Variants in ELP4 observed in about 807,000 individuals in gnomAD.
ELP4 encodes the protein elongator complex protein 4.
Under a neutral mutation model 48.9 loss-of-function variants are expected in ELP4, and 51 were observed. The observed-to-expected ratio is 1.04, with a 90% CI of 0.83 to 1.32. ELP4 has a LOEUF of 1.32. Ranked by LOEUF, ELP4 falls within the 40% of genes most tolerant of loss-of-function variation. ELP4 has a pLI of 0.00. For missense variants in ELP4, 519 were observed against 514.6 expected (o/e 1.01, Z -0.08); for synonymous variants, 210 against 189.2 (o/e 1.11, Z -0.90).
chr11:31,788,777 C>T lies in ELP4; in HGVS notation c.*5253C>T, dbSNP rs1038509122. The stretch of plus-strand genomic sequence containing the variant: ...CTGTAAGTGGAATTTTTTTCTAACA[C>T]GTTTTTGATTTATGGTATCTATAAG... On this transcript the variant is annotated 3_prime_UTR_variant, in exon 10 of 10. Coordinates refer to ENST00000640961, the MANE Select transcript of ELP4 (RefSeq NM_019040.5). 1.4e-5 allele frequency: 3 copies of T among 207,718 alleles called. No homozygotes were observed. In the Admixed American group the frequency reaches 1.8e-4, roughly 12 times the overall value. The allele number at this position is 207,718 out of a possible 1,614,324, so 12.9% of individuals were successfully genotyped here. A position where few individuals can be genotyped will look rare whatever the true frequency, so the allele number is the denominator to read the frequency against.
rs541135900 is a variant in ELP4, at chr11:31,727,155, G to GT, written c.1144-56226dup. 2.3e-3 allele frequency among the ~76,000 whole-genome samples: 332 copies of GT among 145,106 alleles called. 2 individuals carry two copies. The South Asian group carries it at 0.024, about 11-fold the overall frequency. On this transcript the variant is annotated intron_variant, in intron 9 of 9. Coordinates refer to ENST00000640961, the MANE Select transcript of ELP4 (RefSeq NM_019040.5). ...AAAGAAAAAGAACTTTATTTTTACA[G>GT]TTTTTTTTTTTTAACTTTAAAGTGA...
At chr11:31,527,548 G>A (rs754899167) in intron 2 of ELP4, among the ~76,000 whole-genome samples, 3 of 152,010 alleles carry the variant, frequency 2.0e-5, no homozygotes, top group Non-Finnish European at 2.9e-5. Flanking sequence ...CCAGAGACCT[G>A]AGTGATACGC....
intron 3 of ELP4, among the ~76,000 whole-genome samples, chr11:31,569,189 C>G (rs1592125362): frequency 6.6e-6 from 1 of 152,214 alleles, no homozygotes; most frequent in East Asian, 1.9e-4. Context: ...GGACATCAGC[C>G]TTGGCAAAGA....
At chr11:31,568,238 G>A (rs760313061) in intron 3 of ELP4, among the ~76,000 whole-genome samples, 13 of 152,084 alleles carry the variant, frequency 8.5e-5, no homozygotes, top group Non-Finnish European at 1.5e-4. Context: ...TAGGAATACG[G>A]CTAACCAAGG....
chr11:31,765,034 A>G (rs1453416612), intron 9 of ELP4, among the ~76,000 whole-genome samples: 1 of 152,130 alleles, frequency 6.6e-6, no homozygotes, highest in Non-Finnish European at 1.5e-5. Flanking sequence ...TGCTACTGGC[A>G]CCCATCCCAC....
intron 3 of ELP4, among the ~76,000 whole-genome samples, chr11:31,576,188 CA>C (rs1261773375): frequency 6.6e-6 from 1 of 152,140 alleles, no homozygotes; most frequent in Non-Finnish European, 1.5e-5. Context: ...TCAGAAGAGA[CA>C]AAGAAGGCCA....
intron 9 of ELP4, among the ~76,000 whole-genome samples, chr11:31,728,345 A>G (rs1285895771): frequency 6.6e-6 from 1 of 152,192 alleles, no homozygotes; most frequent in Non-Finnish European, 1.5e-5. Flanking sequence ...TTTAAAGAAT[A>G]AAAGCATAGA....
chr11:31,729,135 T>A (rs996857072), intron 9 of ELP4, among the ~76,000 whole-genome samples: 3 of 152,194 alleles, frequency 2.0e-5, no homozygotes, highest in African/African-American at 7.2e-5. Context: ...ATATTGTAAT[T>A]GTAGCTCATT....
intron 9 of ELP4, among the ~76,000 whole-genome samples, chr11:31,669,449 G>A (rs1479633610): frequency 6.6e-6 from 1 of 152,198 alleles, no homozygotes; most frequent in Non-Finnish European, 1.5e-5. Context: ...TCTTCATGTA[G>A]TCCTCCACTT....
chr11:31,617,213 ATGT>A (rs1443528882), intron 5 of ELP4, among the ~76,000 whole-genome samples: 4 of 152,156 alleles, frequency 2.6e-5, no homozygotes, highest in Non-Finnish European at 2.9e-5. Context: ...ATATAATGAA[ATGT>A]TATTTAGCCT....
intron 7 of ELP4, among the ~76,000 whole-genome samples, chr11:31,637,151 C>G (rs1194185532): frequency 6.6e-6 from 1 of 151,722 alleles, no homozygotes; most frequent in Non-Finnish European, 1.5e-5. Flanking sequence ...TGTAGTTGTT[C>G]CACTCGCCAA....
At chr11:31,704,498 G>T (rs1332074203) in intron 9 of ELP4, among the ~76,000 whole-genome samples, 3 of 152,018 alleles carry the variant, frequency 2.0e-5, no homozygotes, top group Non-Finnish European at 4.4e-5. Flanking sequence ...GGGGTGGGAG[G>T]AGGGGGGAGG....
At chr11:31,735,978 T>C (rs1228026811) in intron 9 of ELP4, among the ~76,000 whole-genome samples, 1 of 152,094 alleles carries the variant, frequency 6.6e-6, no homozygotes, top group African/African-American at 2.4e-5. Flanking sequence ...AAAACTATTT[T>C]AAAGTTCATA....
At chr11:31,639,332 TCAAATTC>T (rs1945041466) in intron 7 of ELP4, among the ~76,000 whole-genome samples, 1 of 151,936 alleles carries the variant, frequency 6.6e-6, no homozygotes, top group African/African-American at 2.4e-5. Flanking sequence ...ATCATATTTA[TCAAATTC>T]CAGTGACTTT....
At chr11:31,654,542 A>T (rs1390991668) in intron 9 of ELP4, 1 of 151,830 alleles carries the variant, frequency 6.6e-6, no homozygotes, top group African/African-American at 2.4e-5. Context: ...TTAAGACTAG[A>T]ATAGAATCAA....
chr11:31,518,345 A>G (rs1251380818), intron 1 of ELP4, among the ~76,000 whole-genome samples: 2 of 151,844 alleles, frequency 1.3e-5, no homozygotes, highest in Non-Finnish European at 2.9e-5. Flanking sequence ...ACTTCAGGTG[A>G]TCCGCCCGCC....
intron 5 of ELP4, among the ~76,000 whole-genome samples, chr11:31,621,299 A>T (rs985160399): frequency 1.3e-5 from 2 of 151,962 alleles, no homozygotes; most frequent in African/African-American, 4.8e-5. Context: ...CCTAATTGGG[A>T]GTGATAACAG....
chr11:31,592,283 G>A (rs546481964), intron 3 of ELP4, among the ~76,000 whole-genome samples: 11 of 151,908 alleles, frequency 7.2e-5, no homozygotes, highest in Non-Finnish European at 1.2e-4. Flanking sequence ...GGTGGCTCAC[G>A]CCTGTAATCC....
At chr11:31,694,995 C>T (rs373441351) in intron 9 of ELP4, among the ~76,000 whole-genome samples, 17 of 152,056 alleles carry the variant, frequency 1.1e-4, no homozygotes, top group African/African-American at 4.1e-4. Context: ...GTGATTTTTG[C>T]ACATTGATTT....
Sources: allele counts gnomAD v4.1 joint callset (sites outside exome capture counted in the v4.1 genomes callset), GRCh38; gene constraint gnomAD v4.1.1; transcripts MANE v1.5; gene names NCBI Gene and HGNC (gene_info 2026-07-23, HGNC 2026-07-21).